Variants in SUGCT observed in about 807,000 individuals in gnomAD.
The protein encoded by SUGCT is succinyl-CoA:glutarate-CoA transferase.
SUGCT carries 41 observed loss-of-function variants against 55.0 expected under a neutral mutation model. The ratio of observed to expected loss-of-function variants is 0.74; its 90% confidence interval spans 0.58 to 0.97. The LOEUF (loss-of-function observed/expected upper bound fraction) is 0.97, where lower values mean the gene tolerates loss of function less well. Among genes scored for constraint, SUGCT ranks in the 50% least tolerant of loss-of-function variants. The pLI, the probability that SUGCT is intolerant of heterozygous loss-of-function variation, is 0.00. For synonymous variants in SUGCT, 187 were observed against 200.4 expected, an observed-to-expected ratio of 0.93 and a Z score of 0.56; for missense variants, 568 against 547.8, an observed-to-expected ratio of 1.04 and a Z score of -0.37.
At chr7:40,869,508 C>T in the SUGCT span, among the ~76,000 whole-genome samples, 1 of 152,172 alleles carries the variant, frequency 6.6e-6, no homozygotes, top group Non-Finnish European at 1.5e-5. Flanking sequence ...AGAACTCAGC[C>T]AAGCCAGCTT....
intron 13 of SUGCT, among the ~76,000 whole-genome samples, chr7:40,807,960 T>G (rs1015948327): frequency 6.6e-6 from 1 of 152,176 alleles, no homozygotes; most frequent in African/African-American, 2.4e-5. Context: ...CTGGCCTCAC[T>G]TGTGTGTCTA....
rs577073778 is a variant in SUGCT at position 40,429,639 on chromosome 7, T to C, written c.817-19648T>C. ...AGACTCAGCCAGTTTATTCCTTCCATATTCTTCTGCCTGCTTTTATCCTAG... is the reference window on the plus strand; with the variant it reads ...AGACTCAGCCAGTTTATTCCTTCCACATTCTTCTGCCTGCTTTTATCCTAG... On this transcript the variant is annotated intron_variant, in intron 9 of 13. Transcript: ENST00000335693. 1.2e-3 allele frequency among the ~76,000 whole-genome samples: 189 copies of C among 152,300 alleles called. 1 individual carries two copies. Among genetic ancestry groups the C allele is most frequent in the African/African-American group, 4.3e-3 (180 of 41,558 alleles).
chr7:40,257,420 T>G (rs1790883229), intron 7 of SUGCT, among the ~76,000 whole-genome samples: 1 of 152,106 alleles, frequency 6.6e-6, no homozygotes, highest in Non-Finnish European at 1.5e-5. Context: ...AATACTGAGT[T>G]GGTTTATAAG....
chr7:40,719,687 C>T (rs539897818), intron 12 of SUGCT, among the ~76,000 whole-genome samples: 39 of 152,090 alleles, frequency 2.6e-4, no homozygotes, highest in Admixed American at 4.6e-4. Context: ...ATCTGTTGGG[C>T]GAGATGAGGT....
intron 9 of SUGCT, among the ~76,000 whole-genome samples, chr7:40,372,327 A>ATT (rs1364675680): frequency 6.6e-6 from 1 of 152,064 alleles, no homozygotes; most frequent in Non-Finnish European, 1.5e-5. Context: ...TACATCTTTA[A>ATT]TTAATTAATG....
At chr7:40,841,603 T>TA (rs1404900727) in intron 13 of SUGCT, among the ~76,000 whole-genome samples, 1 of 152,228 alleles carries the variant, frequency 6.6e-6, no homozygotes, top group African/African-American at 2.4e-5. Flanking sequence ...AGAGTAAGTT[T>TA]TCTTACAGGT....
intron 11 of SUGCT, among the ~76,000 whole-genome samples, chr7:40,484,002 A>G (rs1344597259): frequency 6.6e-6 from 1 of 152,192 alleles, no homozygotes; most frequent in Non-Finnish European, 1.5e-5. Flanking sequence ...TAAGTAAATG[A>G]TATTTACTGT....
intron 12 of SUGCT, among the ~76,000 whole-genome samples, chr7:40,508,674 A>G (rs80237224): frequency 6.6e-6 from 1 of 152,112 alleles, no homozygotes; most frequent in African/African-American, 2.4e-5. Flanking sequence ...TTCATTTGCC[A>G]TATGACCTAC....
intron 12 of SUGCT, among the ~76,000 whole-genome samples, chr7:40,740,578 T>A (rs966008294): frequency 6.6e-6 from 1 of 150,976 alleles, no homozygotes; most frequent in African/African-American, 2.4e-5. Flanking sequence ...TATTATTATT[T>A]TTTTCCTTGC....
chr7:40,177,033 T>C (rs1784962285), intron 1 of SUGCT, among the ~76,000 whole-genome samples: 1 of 151,994 alleles, frequency 6.6e-6, no homozygotes, highest in Non-Finnish European at 1.5e-5. Flanking sequence ...CTTTCCATCC[T>C]TCCAAATTAT....
intron 8 of SUGCT, among the ~76,000 whole-genome samples, chr7:40,312,837 G>T (rs924022668): frequency 6.6e-6 from 1 of 152,160 alleles, no homozygotes; most frequent in African/African-American, 2.4e-5. Flanking sequence ...GACATGCAAG[G>T]GAAGTGGGGG....
chr7:40,609,242 G>A (rs1798658521), intron 12 of SUGCT, among the ~76,000 whole-genome samples: 1 of 152,092 alleles, frequency 6.6e-6, no homozygotes, highest in Admixed American at 6.6e-5. Context: ...CAGAGACCAG[G>A]ATGGATGCAG....
chr7:40,145,670 T>G (rs545819819), intron 1 of SUGCT, among the ~76,000 whole-genome samples: 1 of 152,354 alleles, frequency 6.6e-6, no homozygotes, highest in South Asian at 2.1e-4. Flanking sequence ...CTTGTGAATT[T>G]GGGATTTCAA....
intron 10 of SUGCT, among the ~76,000 whole-genome samples, chr7:40,455,310 C>G (rs1208747928): frequency 2.0e-5 from 3 of 151,790 alleles, no homozygotes; most frequent in African/African-American, 7.3e-5. Context: ...CAGGGATAAA[C>G]AGAAAAAAGA....
chr7:40,765,894 A>T (rs1207992459), intron 13 of SUGCT, among the ~76,000 whole-genome samples: 3 of 152,174 alleles, frequency 2.0e-5, no homozygotes. Context: ...TTGAATATCA[A>T]GCATCACCCT....
chr7:40,367,156 A>G (rs899004634), intron 9 of SUGCT, among the ~76,000 whole-genome samples: 2 of 151,638 alleles, frequency 1.3e-5, no homozygotes, highest in Non-Finnish European at 2.9e-5. Flanking sequence ...TCAGTAAACT[A>G]TCGCAAGGAC....
intron 12 of SUGCT, among the ~76,000 whole-genome samples, chr7:40,659,182 T>C (rs1232513757): frequency 6.6e-6 from 1 of 152,194 alleles, no homozygotes; most frequent in African/African-American, 2.4e-5. Flanking sequence ...CGAACAATGA[T>C]ACTTTATTAT....
the SUGCT span, among the ~76,000 whole-genome samples, chr7:40,999,779 C>G: frequency 6.6e-6 from 1 of 152,238 alleles, no homozygotes; most frequent in East Asian, 1.9e-4. Context: ...CATCTGCTTC[C>G]TTCATCCTTC....
the SUGCT span, among the ~76,000 whole-genome samples, chr7:41,009,506 T>C: frequency 6.6e-6 from 1 of 152,046 alleles, no homozygotes; most frequent in Non-Finnish European, 1.5e-5. Flanking sequence ...CCATCCACCA[T>C]CCTTCCTTCC....
Sources: gnomAD v4.1 joint callset for allele counts (sites outside exome capture counted in the v4.1 genomes callset) on GRCh38, gnomAD v4.1.1 for gene constraint, MANE v1.5 for transcripts, NCBI Gene and HGNC (gene_info 2026-07-23, HGNC 2026-07-21) for gene names.